Variants in SMCP observed in about 807,000 individuals in gnomAD.
The protein encoded by SMCP is sperm mitochondria associated cysteine rich protein.
For synonymous variants in SMCP, 41 were observed against 46.9 expected (o/e 0.87, Z 0.51); for missense variants, 137 against 137.1 (o/e 1.00, Z 0.01).
intron 1 of SMCP, among the ~76,000 whole-genome samples, chr1:152,882,082 T>C (rs1649071578): frequency 6.6e-6 from 1 of 152,226 alleles, no homozygotes. Context: ...TTCAAGCGAT[T>C]CTCCTGCCTC....
chr1:152,884,879 T>C lies in SMCP; in HGVS notation c.*106T>C. 1 of 995,686 alleles carries C rather than the reference T, an allele frequency of 1.0e-6. No individual in the cohort carries two copies. Among genetic ancestry groups the C allele is most frequent in the Non-Finnish European group, 1.5e-6 (1 of 674,582 alleles). 61.7% of individuals were successfully genotyped at this position (995,686 alleles called of 1,614,324 possible). On this transcript the variant is annotated 3_prime_UTR_variant, in exon 2 of 2. Transcript: ENST00000368765. ...GCTAGACCTGTGTTTAGAGAAGCAG[T>C]TTTCACAGTGACTACCATTTCCACC...
intron 1 of SMCP, among the ~76,000 whole-genome samples, chr1:152,879,965 T>C (rs1236859622): frequency 6.6e-6 from 1 of 152,022 alleles, no homozygotes; most frequent in Non-Finnish European, 1.5e-5. Context: ...TCTGGACTTG[T>C]AAAGATGGAC....
At chr1:152,880,033 C>A (rs993143223) in intron 1 of SMCP, among the ~76,000 whole-genome samples, 1 of 151,996 alleles carries the variant, frequency 6.6e-6, no homozygotes, top group African/African-American at 2.4e-5. Context: ...CAATTCAGGG[C>A]ACTGACCTTC....
chr1:152,878,635 C>T (rs1027513444), intron 1 of SMCP, among the ~76,000 whole-genome samples, 189 bp downstream of exon 1: 6 of 152,134 alleles, frequency 3.9e-5, no homozygotes, highest in African/African-American at 1.2e-4. Flanking sequence ...GACATGGGAG[C>T]CACTGGGGGT....
chr1:152,881,644 C>T (rs1028409104), intron 1 of SMCP, among the ~76,000 whole-genome samples: 6 of 147,922 alleles, frequency 4.1e-5, no homozygotes, highest in East Asian at 4.2e-4. Context: ...GCCGAGATTG[C>T]GCCACTGCAG....
intron 1 of SMCP, among the ~76,000 whole-genome samples, chr1:152,878,803 G>A (rs1017805529): frequency 5.9e-5 from 9 of 152,182 alleles, no homozygotes; most frequent in Admixed American, 5.2e-4. Flanking sequence ...AGTTTTCCTC[G>A]AGGAGTGATG....
At chr1:152,881,459 C>T (rs113114696) in intron 1 of SMCP, among the ~76,000 whole-genome samples, 8,827 of 151,632 alleles carry the variant, frequency 0.058, 837 homozygotes, top group African/African-American at 0.2. Context: ...GAGGCCGAGG[C>T]GGGTGGATCA....
chr1:152,879,731 G>A (rs1326772764), intron 1 of SMCP, among the ~76,000 whole-genome samples: 1 of 152,162 alleles, frequency 6.6e-6, no homozygotes, highest in Non-Finnish European at 1.5e-5. Context: ...CCCTCCCTAT[G>A]CTACAGTCAA....
chr1:152,885,040 A>T lies in SMCP; in HGVS notation c.*267A>T, dbSNP rs1649176390. The stretch of plus-strand genomic sequence containing the variant: ...AGACAGCACAGAAATAAAGAGCAAT[A>T]AAAAGAACATTGCCTCCGTTTGTTC... On this transcript the variant is annotated 3_prime_UTR_variant, in exon 2 of 2. Transcript: ENST00000368765. The T allele has an allele frequency of 2.1e-6, 1 of 469,070 alleles. No homozygotes were observed. The highest frequency in any genetic ancestry group is 3.8e-6 in the Non-Finnish European group (1 of 262,158). 29.1% of individuals were successfully genotyped at this position (469,070 alleles called of 1,614,324 possible). A position where few individuals can be genotyped will look rare whatever the true frequency, so the allele number is the denominator to read the frequency against.
rs201144729 is a variant in SMCP at position 152,884,747 on chromosome 1, C to A, written c.325C>A (p.Gln109Lys). The change falls in exon 2 of 2, where the codon CAA becomes AAA. Residue 109 changes from glutamine (Q) to lysine (K), a missense_variant. Physicochemically the swap from Gln to Lys is moderately conservative, Grantham distance 53 (BLOSUM62 1). Transcript: ENST00000368765. The part of the protein sequence containing the change: ...CQTQQQPHSP[Q>K]NESRPSK ...AACCCAGCAGCAGCCCCATAGCCCA[C>A]AAAATGAGTCCAGGCCAAGCAAATG... 1.2e-6 allele frequency: 2 copies of A among 1,614,146 alleles called. No individual in the cohort carries two copies. Among genetic ancestry groups the A allele is most frequent in the Non-Finnish European group, 1.7e-6 (2 of 1,180,008 alleles).
At chr1:152,883,379 C>T (rs755596643) in intron 1 of SMCP, among the ~76,000 whole-genome samples, 5 of 152,206 alleles carry the variant, frequency 3.3e-5, no homozygotes, top group Non-Finnish European at 7.3e-5. Flanking sequence ...GGGACCACAA[C>T]AGTGGCGTTC....
rs568729761 is a variant in SMCP, at chr1:152,884,899, T to A, written c.*126T>A. On this transcript the variant is annotated 3_prime_UTR_variant, in exon 2 of 2. Coordinates refer to ENST00000368765, the MANE Select transcript of SMCP (RefSeq NM_030663.3). The stretch of plus-strand genomic sequence containing the variant: ...AGCAGTTTTCACAGTGACTACCATT[T>A]CCACCCAATGAGAGGCTCCTATTTC... The A allele has an allele frequency of 8.6e-6, 7 of 814,220 alleles. No individual in the cohort carries two copies. Among genetic ancestry groups the A allele is most frequent in the Non-Finnish European group, 1.4e-5 (7 of 515,074 alleles). The allele number at this position is 814,220 out of a possible 1,614,324, so 50.4% of individuals were successfully genotyped here. A position where few individuals can be genotyped will look rare whatever the true frequency, so the allele number is the denominator to read the frequency against.
intron 1 of SMCP, among the ~76,000 whole-genome samples, chr1:152,882,631 A>G (rs147952392): frequency 6.6e-6 from 1 of 152,276 alleles, no homozygotes; most frequent in East Asian, 1.9e-4. Context: ...ATAATTATGC[A>G]TGGACACATG....
At position 152,881,366 on chromosome 1, in the gene SMCP, G is replaced by T. The variant is rs549378299; in HGVS notation, c.-21+2920G>T. ...TGATACAGATTTTTGTCCTACTGGG[G>T]TGGATTAGTCCATTTCCACACTGCT... On this transcript the variant is annotated intron_variant, in intron 1 of 1. Coordinates refer to ENST00000368765, the MANE Select transcript of SMCP (RefSeq NM_030663.3). Among the ~76,000 whole-genome samples, 6 of 152,220 alleles carry T rather than the reference G, an allele frequency of 3.9e-5. No homozygotes were observed. The East Asian group carries it at 9.8e-4, about 25-fold the overall frequency.
chr1:152,881,454 C>A (rs1002869448), intron 1 of SMCP, among the ~76,000 whole-genome samples: 1 of 151,612 alleles, frequency 6.6e-6, no homozygotes, highest in African/African-American at 2.4e-5. Flanking sequence ...TTTGGGAGGC[C>A]GAGGCGGGTG....
intron 1 of SMCP, among the ~76,000 whole-genome samples, chr1:152,881,839 A>C (rs887179213): frequency 6.6e-6 from 1 of 152,250 alleles, no homozygotes; most frequent in Admixed American, 6.5e-5. Context: ...CCTTCTTCAC[A>C]TAGTGGTGGG....
chr1:152,880,703 A>G (rs988944981), intron 1 of SMCP, among the ~76,000 whole-genome samples: 9 of 152,096 alleles, frequency 5.9e-5, no homozygotes, highest in Non-Finnish European at 1.2e-4. Flanking sequence ...TTTTCCTGAA[A>G]GATAGGATGA....
At chr1:152,881,550 T>C (rs12022996) in intron 1 of SMCP, among the ~76,000 whole-genome samples, 17,167 of 149,948 alleles carry the variant, frequency 0.11, 2,505 homozygotes, top group East Asian at 0.51. Context: ...TAGCCGGGCG[T>C]GGTGGCGGGC....
intron 1 of SMCP, among the ~76,000 whole-genome samples, chr1:152,883,735 A>C (rs537239031): frequency 2.6e-5 from 4 of 152,308 alleles, no homozygotes; most frequent in African/African-American, 7.2e-5. Context: ...TTGCAGAACC[A>C]GGCCTGGAAC....
Sources: gnomAD v4.1 joint callset for allele counts (sites outside exome capture counted in the v4.1 genomes callset) on GRCh38, gnomAD v4.1.1 for gene constraint, MANE v1.5 for transcripts, NCBI Gene and HGNC (gene_info 2026-07-23, HGNC 2026-07-21) for gene names.